DYRK1A: variants seen among roughly 807,000 people sequenced by gnomAD.
DYRK1A encodes the protein dual specificity tyrosine phosphorylation regulated kinase 1A, also known as dual specificity tyrosine-phosphorylation-regulated kinase 1A.
DYRK1A carries 9 observed loss-of-function variants against 79.7 expected under a neutral mutation model. The observed-to-expected ratio is 0.11, with a 90% CI of 0.07 to 0.20. DYRK1A has a LOEUF of 0.20. DYRK1A is among the 10% of genes least tolerant of loss of function. The pLI, the probability that DYRK1A is intolerant of heterozygous loss-of-function variation, is 1.00. For synonymous variants in DYRK1A, 349 were observed against 329.7 expected (o/e 1.06, Z -0.63); for missense variants, 622 against 956.0 (o/e 0.65, Z 4.61).
intron 2 of DYRK1A, among the ~76,000 whole-genome samples, chr21:37,448,070 C>T (rs1317833872): frequency 2.6e-5 from 4 of 152,136 alleles, no homozygotes; most frequent in African/African-American, 7.2e-5. Flanking sequence ...TAAAAATCTG[C>T]TATATTTTAG....
At chr21:37,495,152 T>TTTTTTG (rs368928655) in intron 8 of DYRK1A, among the ~76,000 whole-genome samples, 9 of 137,648 alleles carry the variant, frequency 6.5e-5, no homozygotes, top group African/African-American at 2.2e-4. Flanking sequence ...CTCTGGGATT[T>TTTTTTG]TGTGTGTGTG....
At chr21:37,446,361 T>C (rs910533141) in intron 2 of DYRK1A, among the ~76,000 whole-genome samples, 1 of 152,198 alleles carries the variant, frequency 6.6e-6, no homozygotes, top group African/African-American at 2.4e-5. Context: ...AATACTGTAG[T>C]GGATGCAACT....
intron 1 of DYRK1A, among the ~76,000 whole-genome samples, chr21:37,403,914 A>G (rs1223565504): frequency 6.6e-6 from 1 of 151,674 alleles, no homozygotes; most frequent in Non-Finnish European, 1.5e-5. Context: ...TATTTACCTT[A>G]GGTAACCTCA....
At chr21:37,443,466 C>G (rs2051170958) in intron 2 of DYRK1A, among the ~76,000 whole-genome samples, 1 of 152,176 alleles carries the variant, frequency 6.6e-6, no homozygotes, top group Admixed American at 6.6e-5. Context: ...TGAATTTTCA[C>G]TTTGTCGGGT....
chr21:37,473,920 TA>T (rs1208153328), intron 3 of DYRK1A, among the ~76,000 whole-genome samples: 1 of 152,186 alleles, frequency 6.6e-6, no homozygotes, highest in Non-Finnish European at 1.5e-5. Context: ...AGGAAGTGTT[TA>T]ATTGTGTACC....
chr21:37,505,625 G>A (rs757883402), intron 10 of DYRK1A, 36 bp downstream of exon 10: 1 of 1,526,792 alleles, frequency 6.5e-7, no homozygotes. Flanking sequence ...GCTTGGGAAT[G>A]TTTTGTGTTT....
chr21:37,370,239 A>C (rs927324719), intron 1 of DYRK1A, among the ~76,000 whole-genome samples: 1 of 152,186 alleles, frequency 6.6e-6, no homozygotes, highest in Non-Finnish European at 1.5e-5. Context: ...TTTGTTTTGT[A>C]ACTACACGAA....
chr21:37,458,610 A>G lies in DYRK1A; in HGVS notation c.11-14074A>G, dbSNP rs140054618. Among the ~76,000 whole-genome samples the G allele has an allele frequency of 3.5e-3, 530 of 152,264 alleles. 7 individuals are homozygous for G. Among genetic ancestry groups the G allele is most frequent in the African/African-American group, 0.012 (500 of 41,560 alleles). ...TAAGAAGACCGGGTTATTTGTTGCC[A>G]TGCCCCACACTGATGCTGGGGCCAA... On this transcript the variant is annotated intron_variant, in intron 2 of 11. Transcript: ENST00000647188.
At position 37,508,151 on chromosome 21, in the gene DYRK1A, A is replaced by T. The variant is rs148476736; in HGVS notation, c.1644+1928A>T. On this transcript the variant is annotated intron_variant, in intron 11 of 11. Transcript: ENST00000647188. The stretch of plus-strand genomic sequence containing the variant: ...ACATCTTAATACGTTTTTATTCTCC[A>T]CCTTTCACTTTACCTCATTGTTATG... Among the ~76,000 whole-genome samples the T allele has an allele frequency of 1.1e-4, 16 of 152,050 alleles. No homozygotes were observed. In the East Asian group the frequency reaches 2.7e-3, roughly 26 times the overall value.
chr21:37,498,642 C>T (rs1002812189), intron 9 of DYRK1A, among the ~76,000 whole-genome samples: 1 of 152,140 alleles, frequency 6.6e-6, no homozygotes, highest in Non-Finnish European at 1.5e-5. Context: ...ATGAATAAGG[C>T]TGCAGGGAAC....
intron 2 of DYRK1A, among the ~76,000 whole-genome samples, chr21:37,463,816 GC>G: frequency 6.6e-6 from 1 of 152,278 alleles, no homozygotes; most frequent in East Asian, 1.9e-4. Flanking sequence ...GTGGGTTTTT[GC>G]CCACATAAGC....
intron 11 of DYRK1A, among the ~76,000 whole-genome samples, chr21:37,507,719 T>C (rs1283288119): frequency 7.0e-6 from 1 of 142,776 alleles, no homozygotes; most frequent in Non-Finnish European, 1.5e-5. Flanking sequence ...TTTTTTCTTC[T>C]ACCCAGCACT....
chr21:37,419,910 G>A (rs886844980), intron 1 of DYRK1A: 1 of 152,508 alleles, frequency 6.6e-6, no homozygotes, highest in South Asian at 2.1e-4. Flanking sequence ...TGTCTTAATA[G>A]TAAACTACTA....
chr21:37,508,719 T>C (rs947060779), intron 11 of DYRK1A, among the ~76,000 whole-genome samples: 3 of 152,212 alleles, frequency 2.0e-5, no homozygotes, highest in African/African-American at 7.2e-5. Context: ...TCACTCACCC[T>C]AGTCACACTA....
At chr21:37,442,060 T>C (rs2051123523) in intron 2 of DYRK1A, among the ~76,000 whole-genome samples, 1 of 151,978 alleles carries the variant, frequency 6.6e-6, no homozygotes, top group Non-Finnish European at 1.5e-5. Context: ...CCATCTGCTC[T>C]CTCGCATTGT....
At chr21:37,474,973 G>A (rs1309344370) in intron 3 of DYRK1A, among the ~76,000 whole-genome samples, 3 of 152,204 alleles carry the variant, frequency 2.0e-5, no homozygotes, top group Non-Finnish European at 4.4e-5. Flanking sequence ...AGGAAAACAG[G>A]AGGTAAATAT....
chr21:37,474,253 G>A (rs1247954451), intron 3 of DYRK1A, among the ~76,000 whole-genome samples: 2 of 152,076 alleles, frequency 1.3e-5, no homozygotes, highest in African/African-American at 4.8e-5. Context: ...TATTATTTTA[G>A]TAAATAATTT....
intron 2 of DYRK1A, among the ~76,000 whole-genome samples, chr21:37,444,606 A>G (rs1295548012): frequency 9.7e-6 from 1 of 103,552 alleles, no homozygotes; most frequent in Non-Finnish European, 2.0e-5. Flanking sequence ...ACCCTAGACA[A>G]ACCTTGAGAA....
Position 37,453,332 on chromosome 21 carries a change from T to C in DYRK1A, c.11-19352T>C, listed in dbSNP as rs147945117. ...ATTCAGTAGCCACATATGACTATTG[T>C]TGACTGCATTGGACGGTGCAAGTCT... On this transcript the variant is annotated intron_variant, in intron 2 of 11. Transcript: ENST00000647188. Among the ~76,000 whole-genome samples, 239 of 152,372 alleles carry C rather than the reference T, an allele frequency of 1.6e-3. 3 individuals are homozygous for C. The East Asian group carries it at 0.043, about 27-fold the overall frequency.
Sources: allele counts gnomAD v4.1 joint callset (sites outside exome capture counted in the v4.1 genomes callset), GRCh38; gene constraint gnomAD v4.1.1; transcripts MANE v1.5; gene names NCBI Gene and HGNC (gene_info 2026-07-23, HGNC 2026-07-21).